The following FNDC3B variants were observed in gnomAD, a reference collection of about 807,000 sequenced individuals.
The protein encoded by FNDC3B is fibronectin type III domain containing 3B, also known as fibronectin type III domain-containing protein 3B.
In FNDC3B, 12 loss-of-function variants were observed where a neutral mutation model predicts 151.5. The ratio of observed to expected loss-of-function variants is 0.08; its 90% CI spans 0.05 to 0.13. FNDC3B has a LOEUF of 0.13. Among genes scored for constraint, FNDC3B ranks in the 10% least tolerant of loss-of-function variants. The probability of loss-of-function intolerance (pLI) is 1.00; values close to 1 mark genes in which losing one functional copy is unlikely to be tolerated. For missense variants in FNDC3B, 1,214 were observed against 1,505.3 expected (o/e 0.81, Z 3.20); for synonymous variants, 528 against 549.0 (o/e 0.96, Z 0.54).
intron 3 of FNDC3B, among the ~76,000 whole-genome samples, chr3:172,164,667 G>C (rs572019121): frequency 6.6e-6 from 1 of 152,180 alleles, no homozygotes; most frequent in African/African-American, 2.4e-5. Flanking sequence ...AGAATTGACC[G>C]AATACTCAGC....
At chr3:172,288,288 G>A (rs150427544) in intron 7 of FNDC3B, among the ~76,000 whole-genome samples, 32 of 152,256 alleles carry the variant, frequency 2.1e-4, no homozygotes, top group Non-Finnish European at 4.0e-4. Flanking sequence ...CTGGAATACC[G>A]GCTAGATTGT....
intron 3 of FNDC3B, among the ~76,000 whole-genome samples, chr3:172,191,028 A>G (rs111416623): frequency 5.3e-5 from 8 of 152,318 alleles, no homozygotes; most frequent in African/African-American, 1.7e-4. Flanking sequence ...TTATCTTTAT[A>G]TTTTAATCTT....
At chr3:172,335,140 A>T (rs541473526) in intron 15 of FNDC3B, 58 bp downstream of exon 15, 389 of 1,470,336 alleles carry the variant, frequency 2.6e-4, no homozygotes, top group Admixed American at 3.3e-4. Context: ...ATAGATTTTT[A>T]AAAAATGATT....
At chr3:172,083,160 C>T (rs888564343) in intron 1 of FNDC3B, among the ~76,000 whole-genome samples, 2 of 152,112 alleles carry the variant, frequency 1.3e-5, no homozygotes, top group South Asian at 2.1e-4. Context: ...GTTAGCCTGC[C>T]ACAGTTTCAT....
intron 22 of FNDC3B, among the ~76,000 whole-genome samples, chr3:172,353,578 C>T (rs1001624235): frequency 6.6e-6 from 1 of 152,168 alleles, no homozygotes; most frequent in Admixed American, 6.5e-5. Flanking sequence ...ACTGAGGGAA[C>T]ACATGTTGAG....
intron 23 of FNDC3B, among the ~76,000 whole-genome samples, chr3:172,366,256 A>C (rs1273270485): frequency 6.6e-6 from 1 of 152,204 alleles, no homozygotes; most frequent in Non-Finnish European, 1.5e-5. Context: ...TGTTCAGCCA[A>C]AAATGTTTTT....
rs773115312 is a variant in FNDC3B, at chr3:172,352,891, G to A, written c.2603G>A (p.Cys868Tyr). ...GCCCCTGACCCCGTCTCCACTCTCT[G>A]TGTCCTGGAGGAGGAGCCCCTTGAT... is the stretch of plus-strand genomic sequence containing the variant. ...ASAPDPVSTL[C>Y]VLEEEPLDAY... The change falls in exon 22 of 26, where the codon TGT becomes TAT. Residue 868 changes from cysteine (C) to tyrosine (Y), a missense_variant. Physicochemically the swap from Cys to Tyr is radical, Grantham distance 194. Transcript: ENST00000415807. The surrounding 1 kb of genome is among the most constrained non-coding windows in gnomAD (Gnocchi z 4.2). 3.0e-5 allele frequency: 48 copies of A among 1,614,048 alleles called. No individual in the cohort carries two copies. Among genetic ancestry groups the A allele is most frequent in the South Asian group, 5.5e-5 (5 of 91,082 alleles).
At chr3:172,135,680 C>T (rs991003754) in intron 3 of FNDC3B, among the ~76,000 whole-genome samples, 13 of 152,026 alleles carry the variant, frequency 8.6e-5, no homozygotes, top group East Asian at 1.9e-4. Flanking sequence ...ACTAGGGTTT[C>T]GGAAGCACTG....
At chr3:172,273,130 A>G (rs1338500078) in intron 6 of FNDC3B, among the ~76,000 whole-genome samples, 1 of 152,216 alleles carries the variant, frequency 6.6e-6, no homozygotes, top group Admixed American at 6.5e-5. Flanking sequence ...CATACTCAGA[A>G]TTTCATTTCA....
chr3:172,374,729 A>G (rs912609714), intron 23 of FNDC3B, among the ~76,000 whole-genome samples: 2 of 152,230 alleles, frequency 1.3e-5, no homozygotes, highest in East Asian at 1.9e-4. Context: ...AAACCTCACA[A>G]TATCTCTGAG....
At chr3:172,175,499 G>A (rs534969575) in intron 3 of FNDC3B, among the ~76,000 whole-genome samples, 1 of 152,222 alleles carries the variant, frequency 6.6e-6, no homozygotes, top group East Asian at 1.9e-4. Context: ...ATTGCTGAAA[G>A]GCAAATTCTT....
intron 3 of FNDC3B, 103 bp downstream of exon 3, chr3:172,133,649 A>G: frequency 2.4e-6 from 2 of 849,284 alleles, no homozygotes; most frequent in South Asian, 1.3e-5. Context: ...CTAGAAGTAA[A>G]GTATATCTTG....
chr3:172,356,877 G>A (rs769764045), intron 22 of FNDC3B, among the ~76,000 whole-genome samples: 5 of 151,954 alleles, frequency 3.3e-5, no homozygotes, highest in African/African-American at 4.8e-5. Flanking sequence ...CTTTACCTGC[G>A]GGCCCTCTCA....
chr3:172,143,355 C>T (rs1008072319), intron 3 of FNDC3B, among the ~76,000 whole-genome samples: 7 of 152,084 alleles, frequency 4.6e-5, no homozygotes, highest in African/African-American at 1.7e-4. Flanking sequence ...ATGAGGGAAT[C>T]ATTATATTCA....
At position 172,352,940 on chromosome 3, in the gene FNDC3B, G is replaced by A. The variant is rs752263437; in HGVS notation, c.2652G>A (p.Ala884=). ...PLDAYPDSPS[A]CLVLNWEEPC... The stretch of plus-strand genomic sequence containing the variant: ...ATGCCTACCCTGATTCACCTTCTGC[G>A]TGCCTTGTACTGAACTGGGAAGAGC... Residue 884 remains alanine (A), a synonymous_variant, in exon 22 of 26, where the codon GCG becomes GCA. Coordinates refer to ENST00000415807, the MANE Select transcript of FNDC3B (RefSeq NM_022763.4). The surrounding 1 kb of genome is among the most constrained non-coding windows in gnomAD (Gnocchi z 4.2). The A allele has an allele frequency of 9.9e-6, 16 of 1,614,058 alleles. No individual in the cohort carries two copies. Among genetic ancestry groups the A allele is most frequent in the Middle Eastern group, 1.6e-4 (1 of 6,084 alleles).
intron 1 of FNDC3B, among the ~76,000 whole-genome samples, chr3:172,100,064 T>C (rs1486072722): frequency 6.6e-6 from 1 of 152,220 alleles, no homozygotes; most frequent in East Asian, 1.9e-4. Context: ...TGTGTGTCTT[T>C]TGTGTTCATA....
intron 1 of FNDC3B, among the ~76,000 whole-genome samples, chr3:172,041,379 CTTTCTTTT>C (rs1475035005): frequency 4.0e-5 from 6 of 151,090 alleles, no homozygotes; most frequent in East Asian, 1.9e-4. Context: ...TTCTTTCTTT[CTTTCTTTT>C]TCTTTCTTTC....
intron 11 of FNDC3B, among the ~76,000 whole-genome samples, chr3:172,315,967 G>T (rs1237147628): frequency 1.4e-5 from 2 of 146,646 alleles, no homozygotes; most frequent in Non-Finnish European, 3.0e-5. Flanking sequence ...CATTGACCCT[G>T]CATTGCTTCT....
chr3:172,334,176 C>G (rs1459844876), intron 14 of FNDC3B, among the ~76,000 whole-genome samples: 1 of 152,170 alleles, frequency 6.6e-6, no homozygotes, highest in African/African-American at 2.4e-5. Flanking sequence ...CAGTGTGTGA[C>G]TATTTGAGGG....
Sources: gnomAD v4.1 joint callset for allele counts (sites outside exome capture counted in the v4.1 genomes callset) on GRCh38, gnomAD v4.1.1 for gene constraint, Gnocchi (gnomAD v3.1) non-coding constraint, MANE v1.5 for transcripts, NCBI Gene and HGNC (gene_info 2026-07-23, HGNC 2026-07-21) for gene names.